The following SCD5 variants were observed in gnomAD, a reference collection of about 807,000 sequenced individuals.
The protein encoded by SCD5 is stearoyl-CoA desaturase 5.
A neutral mutation model predicts 30.4 loss-of-function variants in SCD5; 20 were observed. The ratio of observed to expected loss-of-function variants is 0.66; its 90% CI spans 0.46 to 0.96. The LOEUF is 0.96. Ranked by LOEUF, SCD5 falls within the 40% of genes least tolerant of loss-of-function variation. The pLI, the probability that SCD5 is intolerant of heterozygous loss-of-function variation, is 0.00. For missense variants in SCD5, 381 were observed against 443.3 expected (o/e 0.86, Z 1.26); for synonymous variants, 173 against 176.4 (o/e 0.98, Z 0.16).
chr4:82,752,021 A>G (rs977774200), intron 1 of SCD5, among the ~76,000 whole-genome samples: 1 of 152,132 alleles, frequency 6.6e-6, no homozygotes, highest in African/African-American at 2.4e-5. Flanking sequence ...CAGTGACAAA[A>G]CCCTGGATTG....
chr4:82,681,566 G>A (rs1470852687), intron 2 of SCD5, among the ~76,000 whole-genome samples: 9 of 152,170 alleles, frequency 5.9e-5, no homozygotes, highest in Non-Finnish European at 1.3e-4. Context: ...GTCCTCACAA[G>A]TGGGAGCTAA....
chr4:82,674,002 C>G lies in SCD5; in HGVS notation c.569+6705G>C, dbSNP rs549501064. On this transcript the variant is annotated intron_variant, in intron 3 of 4. Coordinates refer to ENST00000319540, the MANE Select transcript of SCD5 (RefSeq NM_001037582.3). ...ACTTCACACACCTCACAAAAAGTGACTCAAAATGGATCACAATTCTAAATG... is the reference window on the plus strand; with the variant it reads ...ACTTCACACACCTCACAAAAAGTGAGTCAAAATGGATCACAATTCTAAATG... Among the ~76,000 whole-genome samples, 4 of 152,196 alleles carry G rather than the reference C, an allele frequency of 2.6e-5. No individual in the cohort carries two copies. In the East Asian group the frequency reaches 7.7e-4, roughly 29 times the overall value.
intron 1 of SCD5, among the ~76,000 whole-genome samples, chr4:82,795,568 G>A (rs770679851): frequency 1.3e-5 from 2 of 152,028 alleles, no homozygotes; most frequent in Admixed American, 6.6e-5. Flanking sequence ...AGTGGCTCAC[G>A]CCTGTAATCC....
At chr4:82,640,699 T>C (rs986608107) in intron 3 of SCD5, among the ~76,000 whole-genome samples, 1 of 152,216 alleles carries the variant, frequency 6.6e-6, no homozygotes, top group Non-Finnish European at 1.5e-5. Flanking sequence ...CTCCTTTTAA[T>C]AACAGTCACT....
chr4:82,741,515 G>A (rs920808050), intron 1 of SCD5, among the ~76,000 whole-genome samples: 3 of 152,186 alleles, frequency 2.0e-5, no homozygotes, highest in Non-Finnish European at 4.4e-5. Context: ...GCCAGCCCAG[G>A]TGAGACCAGC....
intron 3 of SCD5, among the ~76,000 whole-genome samples, chr4:82,657,281 T>C (rs887265196): frequency 2.0e-5 from 3 of 152,204 alleles, no homozygotes; most frequent in Admixed American, 6.5e-5. Flanking sequence ...TTATACAAGG[T>C]GTAAGGAAAG....
intron 1 of SCD5, among the ~76,000 whole-genome samples, chr4:82,778,868 C>CT (rs111615476): frequency 0.019 from 2,695 of 142,458 alleles, 36 homozygotes; most frequent in Middle Eastern, 0.039. Flanking sequence ...ACTAGCTAAT[C>CT]TTTTTTTTTT....
At chr4:82,771,793 A>G (rs1721628836) in intron 1 of SCD5, among the ~76,000 whole-genome samples, 1 of 152,178 alleles carries the variant, frequency 6.6e-6, no homozygotes, top group East Asian at 1.9e-4. Flanking sequence ...TAAGTTAATA[A>G]AAAAAGGTGA....
chr4:82,700,773 T>G (rs1479827631), intron 2 of SCD5, among the ~76,000 whole-genome samples: 1 of 111,178 alleles, frequency 9.0e-6, no homozygotes, highest in East Asian at 2.9e-4. Flanking sequence ...GGTGACGGAG[T>G]GAGACCCTGT....
At chr4:82,702,128 A>ATAT (rs1162863297) in intron 2 of SCD5, among the ~76,000 whole-genome samples, 5 of 84,840 alleles carry the variant, frequency 5.9e-5, no homozygotes, top group African/African-American at 2.2e-4. Flanking sequence ...CCCCATCATC[A>ATAT]TCTTTTTTTT....
chr4:82,720,441 T>TACAAAAAAGAAAAAAAAAAAAAAA (rs778480466), intron 1 of SCD5, among the ~76,000 whole-genome samples: 1 of 77,940 alleles, frequency 1.3e-5, no homozygotes, highest in African/African-American at 5.3e-5. Context: ...AAGGCAAAAA[T>TACAAAAAAGAAAAAAAAAAAAAAA]AAAAAAAAAA....
At chr4:82,792,005 C>A (rs919386285) in intron 1 of SCD5, among the ~76,000 whole-genome samples, 1 of 152,170 alleles carries the variant, frequency 6.6e-6, no homozygotes, top group Non-Finnish European at 1.5e-5. Context: ...CACCTATAAT[C>A]CCAGCACTTT....
intron 3 of SCD5, among the ~76,000 whole-genome samples, chr4:82,651,141 ATGG>A (rs575927529): frequency 2.4e-4 from 36 of 152,278 alleles, no homozygotes; most frequent in African/African-American, 7.0e-4. Flanking sequence ...TCTCACACAG[ATGG>A]TAGTTGGACA....
chr4:82,715,813 T>TAA (rs1720214770), intron 1 of SCD5, among the ~76,000 whole-genome samples: 1 of 151,674 alleles, frequency 6.6e-6, no homozygotes, highest in Non-Finnish European at 1.5e-5. Flanking sequence ...CAACAGCATG[T>TAA]AAAACAAGAT....
At position 82,738,420 on chromosome 4, in the gene SCD5, A is replaced by T. The variant is rs143976911; in HGVS notation, c.233-33007T>A. 5.3e-4 allele frequency among the ~76,000 whole-genome samples: 81 copies of T among 151,934 alleles called. 1 individual carries two copies. In the East Asian group the frequency reaches 0.015, roughly 28 times the overall value. On this transcript the variant is annotated intron_variant, in intron 1 of 4. Transcript: ENST00000319540. ...CTGGCAACAGAGTGAGACTCCGTTT[A>T]AAAAAAAAGTTATCACTGTCTGTTT... is the stretch of plus-strand genomic sequence containing the variant.
At position 82,665,738 on chromosome 4, in the gene SCD5, TAC is replaced by T. The variant is rs1728171425; in HGVS notation, c.569+14967_569+14968del. On this transcript the variant is annotated intron_variant, in intron 3 of 4. Transcript: ENST00000319540. The stretch of plus-strand genomic sequence containing the variant: ...GGAAGATATCAAGTGGAAATTAGGA[TAC>T]ACACATACAAAAATAAAGAAGCTGG... Among the ~76,000 whole-genome samples, 6 of 152,198 alleles carry T rather than the reference TAC, an allele frequency of 3.9e-5. No individual in the cohort carries two copies. In the South Asian group the frequency reaches 1.2e-3, roughly 32 times the overall value.
chr4:82,718,019 A>AG (rs1456647001), intron 1 of SCD5, among the ~76,000 whole-genome samples: 15 of 151,548 alleles, frequency 9.9e-5, no homozygotes, highest in African/African-American at 3.4e-4. Flanking sequence ...AAAAAAAAAA[A>AG]GAATAATTTC....
chr4:82,697,243 A>C (rs1719716107), intron 2 of SCD5, among the ~76,000 whole-genome samples: 1 of 152,268 alleles, frequency 6.6e-6, no homozygotes, highest in South Asian at 2.1e-4. Flanking sequence ...ATGCCGGGCT[A>C]AATTAACATA....
At chr4:82,689,980 CATTTCAAAAAT>C in intron 2 of SCD5, among the ~76,000 whole-genome samples, 1 of 152,084 alleles carries the variant, frequency 6.6e-6, no homozygotes, top group Non-Finnish European at 1.5e-5. Flanking sequence ...TTGGCCAGTA[CATTTCAAAAAT>C]ATTGATGGCA....
Sources: gnomAD v4.1 joint callset for allele counts (sites outside exome capture counted in the v4.1 genomes callset) on GRCh38, gnomAD v4.1.1 for gene constraint, MANE v1.5 for transcripts, NCBI Gene and HGNC (gene_info 2026-07-23, HGNC 2026-07-21) for gene names.